Variants in DCDC1 observed in about 807,000 individuals in gnomAD.
The protein encoded by DCDC1 is doublecortin domain-containing protein 1.
A neutral mutation model predicts 178.3 loss-of-function variants in DCDC1; 200 were observed. The observed-to-expected ratio is 1.12, with a 90% CI of 1.00 to 1.26. The LOEUF (loss-of-function observed/expected upper bound fraction) is 1.26. DCDC1 is among the 50% of genes most tolerant of loss of function. DCDC1 has a pLI of 0.00. For synonymous variants in DCDC1, 690 were observed against 604.8 expected (o/e 1.14, Z -2.07); for missense variants, 1,983 against 1,749.2 (o/e 1.13, Z -2.38).
intron 11 of DCDC1, among the ~76,000 whole-genome samples, chr11:31,124,156 T>G (rs1961236786): frequency 6.6e-6 from 1 of 152,046 alleles, no homozygotes; most frequent in Non-Finnish European, 1.5e-5. Flanking sequence ...GGCTGTGGGT[T>G]TGTCATAAAT....
chr11:30,971,172 G>A (rs1053180071), intron 20 of DCDC1, among the ~76,000 whole-genome samples: 5 of 152,062 alleles, frequency 3.3e-5, no homozygotes, highest in Non-Finnish European at 5.9e-5. Context: ...ATCTACAAAA[G>A]CTAATTCAAA....
chr11:30,906,345 G>T, intron 30 of DCDC1, 195 bp downstream of exon 30: 1 of 540,808 alleles, frequency 1.8e-6, no homozygotes. Context: ...AGAGTCTATT[G>T]AACTATTAAT....
intron 18 of DCDC1, among the ~76,000 whole-genome samples, chr11:31,069,327 T>A (rs1304797890): frequency 1.3e-5 from 2 of 152,266 alleles, no homozygotes; most frequent in Admixed American, 1.3e-4. Flanking sequence ...CCAAAAAAAA[T>A]TAGGATTTTC....
At chr11:31,019,053 A>C (rs1952687979) in intron 20 of DCDC1, among the ~76,000 whole-genome samples, 2 of 152,156 alleles carry the variant, frequency 1.3e-5, no homozygotes, top group Admixed American at 1.3e-4. Context: ...TCTATATCTG[A>C]TAGACCTGGG....
At chr11:31,284,144 T>C (rs994669922) in intron 7 of DCDC1, among the ~76,000 whole-genome samples, 3 of 152,210 alleles carry the variant, frequency 2.0e-5, no homozygotes, top group Non-Finnish European at 4.4e-5. Context: ...AGTTTTTCAG[T>C]TGTATAGAAT....
intron 9 of DCDC1, among the ~76,000 whole-genome samples, chr11:31,202,475 G>C (rs946784788): frequency 6.6e-6 from 1 of 152,112 alleles, no homozygotes; most frequent in African/African-American, 2.4e-5. Flanking sequence ...GGAGGCTGAG[G>C]TGGGAGGATC....
At chr11:30,988,631 G>C (rs1950795368) in intron 20 of DCDC1, among the ~76,000 whole-genome samples, 1 of 152,072 alleles carries the variant, frequency 6.6e-6, no homozygotes, top group Admixed American at 6.5e-5. Flanking sequence ...CAATTTTTTG[G>C]CTCCCCTGGG....
chr11:31,312,474 T>A (rs931706843), intron 3 of DCDC1, among the ~76,000 whole-genome samples: 3 of 152,178 alleles, frequency 2.0e-5, no homozygotes, highest in Admixed American at 1.3e-4. Flanking sequence ...TCTGGGTGTG[T>A]CTGTGAGGAT....
intron 1 of DCDC1, among the ~76,000 whole-genome samples, chr11:31,349,301 A>G (rs193102606): frequency 6.6e-6 from 1 of 152,368 alleles, no homozygotes; most frequent in East Asian, 1.9e-4. Flanking sequence ...ATGTAAACAT[A>G]AACAAGGTAC....
chr11:30,944,332 C>A (rs1590468093), intron 21 of DCDC1: 2 of 456,746 alleles, frequency 4.4e-6, no homozygotes, highest in Non-Finnish European at 8.8e-6. Context: ...CTTGCTCTGT[C>A]TGCATTGCCT....
chr11:30,984,914 A>G (rs536779569), intron 20 of DCDC1, among the ~76,000 whole-genome samples: 38 of 152,310 alleles, frequency 2.5e-4, no homozygotes, highest in African/African-American at 8.9e-4. Context: ...TAAGGCAAGA[A>G]ATACAGTTTT....
intron 18 of DCDC1, among the ~76,000 whole-genome samples, chr11:31,077,095 C>A (rs548248260): frequency 6.6e-6 from 1 of 152,154 alleles, no homozygotes; most frequent in African/African-American, 2.4e-5. Flanking sequence ...CTGGAGAATC[C>A]TCTCGTCTGC....
At chr11:31,344,355 C>G (rs570892610) in intron 1 of DCDC1, among the ~76,000 whole-genome samples, 1 of 152,314 alleles carries the variant, frequency 6.6e-6, no homozygotes, top group African/African-American at 2.4e-5. Context: ...TTAACAATTT[C>G]AGATCACTAT....
chr11:31,013,625 T>C (rs1429839721), intron 20 of DCDC1, among the ~76,000 whole-genome samples: 3 of 152,210 alleles, frequency 2.0e-5, no homozygotes, highest in African/African-American at 4.8e-5. Context: ...GAGAATATTA[T>C]TGAAAACAGT....
At chr11:30,878,812 C>T (rs1357495993) in intron 37 of DCDC1, 101 bp from the exon 38 acceptor site, 25 of 1,112,146 alleles carry the variant, frequency 2.2e-5, no homozygotes, top group Non-Finnish European at 2.9e-5. Flanking sequence ...CCTCACAAAT[C>T]CTTGGCTCCC....
At chr11:31,089,144 A>G (rs1185388007) in intron 17 of DCDC1, among the ~76,000 whole-genome samples, 2 of 152,148 alleles carry the variant, frequency 1.3e-5, no homozygotes, top group African/African-American at 4.8e-5. Context: ...CAGTTTGTGA[A>G]TATCTTAAGG....
intron 38 of DCDC1, among the ~76,000 whole-genome samples, chr11:30,868,503 G>A (rs575421759): frequency 1.2e-3 from 184 of 151,990 alleles, no homozygotes; most frequent in Non-Finnish European, 2.3e-3. Context: ...CACCCACCTC[G>A]GCCTCCCAAA....
chr11:31,339,803 ATTCT>A (rs1222616520), intron 1 of DCDC1, among the ~76,000 whole-genome samples: 3 of 152,210 alleles, frequency 2.0e-5, no homozygotes, highest in African/African-American at 4.8e-5. Context: ...TTCAATGTTA[ATTCT>A]TTCTATCTAA....
At chr11:31,227,599 G>T (rs1313949583) in intron 9 of DCDC1, among the ~76,000 whole-genome samples, 1 of 151,882 alleles carries the variant, frequency 6.6e-6, no homozygotes, top group Non-Finnish European at 1.5e-5. Context: ...AAGATAAAAT[G>T]ATAAACAAAT....
Sources: allele counts gnomAD v4.1 joint callset (sites outside exome capture counted in the v4.1 genomes callset), GRCh38; gene constraint gnomAD v4.1.1; transcripts MANE v1.5; gene names NCBI Gene and HGNC (gene_info 2026-07-23, HGNC 2026-07-21).